Variants in MDGA2 observed in about 807,000 individuals in gnomAD.
MDGA2 encodes the protein MAM domain-containing glycosylphosphatidylinositol anchor protein 2.
A neutral mutation model predicts 117.8 loss-of-function variants in MDGA2; 40 were observed. The ratio of observed to expected loss-of-function variants is 0.34; its 90% CI spans 0.26 to 0.44. The LOEUF (loss-of-function observed/expected upper bound fraction) is 0.44, where lower values mean the gene tolerates loss of function less well. Ranked by LOEUF, MDGA2 falls within the 20% of genes least tolerant of loss-of-function variation. The pLI, the probability that MDGA2 is intolerant of heterozygous loss-of-function variation, is 1.00. For synonymous variants in MDGA2, 452 were observed against 439.0 expected, an observed-to-expected ratio of 1.03 and a Z score of -0.37; for missense variants, 1,123 against 1,250.6, an observed-to-expected ratio of 0.90 and a Z score of 1.54.
chr14:47,200,098 ATATATATT>A (rs1885434629), intron 3 of MDGA2, among the ~76,000 whole-genome samples: 1 of 152,016 alleles, frequency 6.6e-6, no homozygotes, highest in Non-Finnish European at 1.5e-5. Flanking sequence ...TACATGCTTT[ATATATATT>A]TATATATTTA....
At chr14:47,646,105 A>C (rs1175747229) in intron 1 of MDGA2, among the ~76,000 whole-genome samples, 1 of 151,530 alleles carries the variant, frequency 6.6e-6, no homozygotes, top group Non-Finnish European at 1.5e-5. Context: ...AAAAGGAAGA[A>C]AATTTTTCTC....
chr14:47,074,314 T>TC (rs1380242136), intron 6 of MDGA2, among the ~76,000 whole-genome samples: 3 of 152,006 alleles, frequency 2.0e-5, no homozygotes, highest in Non-Finnish European at 2.9e-5. Flanking sequence ...TTTTTTTTTT[T>TC]TTTGAACGTG....
At chr14:47,357,846 A>C (rs1261406835) in intron 1 of MDGA2, among the ~76,000 whole-genome samples, 1 of 152,186 alleles carries the variant, frequency 6.6e-6, no homozygotes. Flanking sequence ...TCAGTAGCGC[A>C]AGAGTTTCAC....
At chr14:47,673,490 C>A (rs1205967094) in intron 1 of MDGA2, among the ~76,000 whole-genome samples, 4 of 152,048 alleles carry the variant, frequency 2.6e-5, no homozygotes, top group African/African-American at 9.7e-5. Context: ...CGGCTGTGGG[C>A]GGGTCTTGGC....
At chr14:47,217,417 C>A (rs1886133588) in intron 3 of MDGA2, among the ~76,000 whole-genome samples, 1 of 151,640 alleles carries the variant, frequency 6.6e-6, no homozygotes, top group Admixed American at 6.6e-5. Context: ...TCATCAAGAG[C>A]AAAATGTAGG....
At chr14:47,649,542 G>A (rs976999222) in intron 1 of MDGA2, among the ~76,000 whole-genome samples, 2 of 151,984 alleles carry the variant, frequency 1.3e-5, no homozygotes, top group Non-Finnish European at 2.9e-5. Flanking sequence ...AAAATTACCT[G>A]AGCATGGAGA....
intron 1 of MDGA2, among the ~76,000 whole-genome samples, chr14:47,375,422 T>A (rs529169878): frequency 3.8e-4 from 58 of 152,216 alleles, no homozygotes; most frequent in African/African-American, 1.4e-3. Flanking sequence ...TGCTTTAGCT[T>A]GACCTTTAAA....
At chr14:47,188,371 T>G (rs1884988544) in intron 3 of MDGA2, among the ~76,000 whole-genome samples, 1 of 152,220 alleles carries the variant, frequency 6.6e-6, no homozygotes, top group African/African-American at 2.4e-5. Context: ...GTTACTATGT[T>G]GTGTGCTGCC....
At chr14:47,149,314 A>AT (rs1308787418) in intron 3 of MDGA2, among the ~76,000 whole-genome samples, 1 of 152,096 alleles carries the variant, frequency 6.6e-6, no homozygotes, top group Non-Finnish European at 1.5e-5. Flanking sequence ...AAAACAAAAA[A>AT]TAAGTGTGCC....
At chr14:47,163,083 G>A (rs971721921) in intron 3 of MDGA2, among the ~76,000 whole-genome samples, 4 of 152,004 alleles carry the variant, frequency 2.6e-5, no homozygotes, top group Non-Finnish European at 5.9e-5. Context: ...ATTCTTCTTT[G>A]TCACATCTTT....
chr14:47,446,994 A>G (rs1893136874), intron 1 of MDGA2, among the ~76,000 whole-genome samples: 1 of 152,148 alleles, frequency 6.6e-6, no homozygotes, highest in South Asian at 2.1e-4. Flanking sequence ...GCTGAACACA[A>G]TGGTATAGAA....
chr14:47,026,814 A>G (rs1404189432), intron 8 of MDGA2, among the ~76,000 whole-genome samples: 2 of 152,124 alleles, frequency 1.3e-5, no homozygotes, highest in Non-Finnish European at 2.9e-5. Context: ...CTATATTTGC[A>G]TAAAGCAAAA....
chr14:47,076,751 A>T (rs1395690478), intron 6 of MDGA2, among the ~76,000 whole-genome samples: 1 of 152,136 alleles, frequency 6.6e-6, no homozygotes, highest in Non-Finnish European at 1.5e-5. Context: ...TGAGAATCTT[A>T]TAAAGCTATT....
At chr14:47,461,661 G>T (rs1893489096) in intron 1 of MDGA2, among the ~76,000 whole-genome samples, 1 of 151,188 alleles carries the variant, frequency 6.6e-6, no homozygotes, top group South Asian at 2.1e-4. Flanking sequence ...ACCATAAGTA[G>T]GCATCAAAAA....
intron 7 of MDGA2, among the ~76,000 whole-genome samples, chr14:47,038,134 G>A (rs879770392): frequency 4.6e-5 from 7 of 152,134 alleles, no homozygotes; most frequent in Non-Finnish European, 8.8e-5. Flanking sequence ...GTTTCACCAT[G>A]TTGACCAGGC....
rs1898031316 is a variant in MDGA2 at position 47,669,226 on chromosome 14, G to A, written c.280+5291C>T. Among the ~76,000 whole-genome samples, 5 of 152,096 alleles carry A rather than the reference G, an allele frequency of 3.3e-5. No individual in the cohort carries two copies. In the South Asian group the frequency reaches 1.0e-3, roughly 32 times the overall value. ...ACTATAAAACAAAAATAAAAATATT[G>A]GCAAAATATAAGTATAAAGAAGCAT... On this transcript the variant is annotated intron_variant, in intron 1 of 16. Coordinates refer to ENST00000399232, the MANE Select transcript of MDGA2 (RefSeq NM_001113498.3).
chr14:47,316,744 A>G (rs1253287263), intron 1 of MDGA2, among the ~76,000 whole-genome samples: 2 of 152,078 alleles, frequency 1.3e-5, no homozygotes, highest in Admixed American at 1.3e-4. Context: ...TAATCTCAAA[A>G]GGAGCCAAAT....
intron 5 of MDGA2, among the ~76,000 whole-genome samples, chr14:47,104,508 C>A (rs1880530963): frequency 6.8e-6 from 1 of 148,066 alleles, no homozygotes; most frequent in Non-Finnish European, 1.5e-5. Context: ...AACAAACCCC[C>A]TTTGACTGTA....
At chr14:47,253,264 C>T (rs1372789247) in intron 2 of MDGA2, among the ~76,000 whole-genome samples, 1 of 152,132 alleles carries the variant, frequency 6.6e-6, no homozygotes, top group Non-Finnish European at 1.5e-5. Context: ...TAGCTCATTC[C>T]AGCATTAACC....
Sources: allele counts gnomAD v4.1 joint callset (sites outside exome capture counted in the v4.1 genomes callset), GRCh38; gene constraint gnomAD v4.1.1; transcripts MANE v1.5; gene names NCBI Gene and HGNC (gene_info 2026-07-23, HGNC 2026-07-21).